OTULINL: variants seen among roughly 807,000 people sequenced by gnomAD.
OTULINL encodes the protein OTU deubiquitinase with linear linkage specificity like.
A neutral mutation model predicts 43.9 loss-of-function variants in OTULINL; 42 were observed. The observed-to-expected ratio is 0.96, with a 90% CI of 0.75 to 1.24. The LOEUF is 1.24. Among genes scored for constraint, OTULINL ranks in the 50% most tolerant of loss-of-function variants. The probability of loss-of-function intolerance (pLI) is 0.00; values close to 1 mark genes in which losing one functional copy is unlikely to be tolerated. For synonymous variants in OTULINL, 172 were observed against 153.6 expected (o/e 1.12, Z -0.88); for missense variants, 411 against 426.4 (o/e 0.96, Z 0.32).
intron 5 of OTULINL, among the ~76,000 whole-genome samples, chr5:14,602,972 A>G (rs1759415025): frequency 2.0e-5 from 3 of 152,140 alleles, no homozygotes; most frequent in South Asian, 2.1e-4. Flanking sequence ...TCTCTTGTAT[A>G]CTTTGGTAGT....
intron 6 of OTULINL, 146 bp from the exon 7 acceptor site, chr5:14,608,600 AAC>A: frequency 1.5e-6 from 1 of 668,190 alleles, no homozygotes; most frequent in Non-Finnish European, 2.4e-6. Context: ...AAAAAAATCA[AAC>A]AGTGCCGAAA....
intron 1 of OTULINL, among the ~76,000 whole-genome samples, chr5:14,585,228 C>T (rs181841044): frequency 2.6e-5 from 4 of 151,814 alleles, no homozygotes; most frequent in East Asian, 1.9e-4. Flanking sequence ...TTGTAACTGT[C>T]GAGAGAAATA....
intron 1 of OTULINL, among the ~76,000 whole-genome samples, chr5:14,597,246 A>G (rs1322007942): frequency 1.3e-5 from 2 of 152,192 alleles, no homozygotes; most frequent in African/African-American, 4.8e-5. Flanking sequence ...TCAGTCTCAC[A>G]GCAGCCCTGA....
At chr5:14,600,696 T>C (rs1408755404) in intron 1 of OTULINL, among the ~76,000 whole-genome samples, 1 of 152,206 alleles carries the variant, frequency 6.6e-6, no homozygotes, top group Non-Finnish European at 1.5e-5. Context: ...TCTGAGAGAT[T>C]CTGAAGCCCA....
rs1759660038 is a variant in OTULINL at position 14,615,559 on chromosome 5, GA to G, written c.*5246del. ...TGACTCCCTTAAATAAAAAGGGCCA[GA>G]GATGAGGGGACGCCTGGTGAAAATG... On this transcript the variant is annotated 3_prime_UTR_variant, in exon 8 of 8. Coordinates refer to ENST00000274217, the MANE Select transcript of OTULINL (RefSeq NM_019018.3). Among the ~76,000 whole-genome samples the G allele has an allele frequency of 6.6e-6, 1 of 152,200 alleles. No homozygotes were observed. Among genetic ancestry groups the G allele is most frequent in the Non-Finnish European group, 1.5e-5 (1 of 68,034 alleles).
intron 1 of OTULINL, among the ~76,000 whole-genome samples, chr5:14,583,864 C>A (rs2126767216): frequency 6.6e-6 from 1 of 152,200 alleles, no homozygotes; most frequent in East Asian, 1.9e-4. Context: ...ACAGTAAAAC[C>A]AGACAACAGA....
chr5:14,588,344 TCAGCTGTCTAGGACCGGA>T (rs1436003909), intron 1 of OTULINL, among the ~76,000 whole-genome samples: 1 of 152,098 alleles, frequency 6.6e-6, no homozygotes, highest in Non-Finnish European at 1.5e-5. Flanking sequence ...TCCAGATGGC[TCAGCTGTCTAGGACCGGA>T]CCCTGAGTTC....
chr5:14,608,433 TATAAG>T (rs1759517244), intron 6 of OTULINL, among the ~76,000 whole-genome samples: 1 of 152,140 alleles, frequency 6.6e-6, no homozygotes, highest in Non-Finnish European at 1.5e-5. Context: ...GGCCTCTTCT[TATAAG>T]AGTAGCAGGT....
At chr5:14,582,138 G>A (rs1376482254) in intron 1 of OTULINL, among the ~76,000 whole-genome samples, 180 bp downstream of exon 1, 3 of 152,070 alleles carry the variant, frequency 2.0e-5, no homozygotes, top group Admixed American at 6.5e-5. Flanking sequence ...GGAGTGGGGC[G>A]GGGCTGCACC....
chr5:14,606,219 T>C (rs1367748166), intron 5 of OTULINL, among the ~76,000 whole-genome samples: 2 of 152,290 alleles, frequency 1.3e-5, no homozygotes, highest in East Asian at 3.9e-4. Context: ...AGAGAGCCTG[T>C]GCATGGGAAC....
chr5:14,607,755 G>T (rs1243354969), intron 6 of OTULINL, among the ~76,000 whole-genome samples: 1 of 152,150 alleles, frequency 6.6e-6, no homozygotes, highest in Non-Finnish European at 1.5e-5. Context: ...TGTGGTGCAA[G>T]TCCAGGCAAG....
chr5:14,596,400 A>G (rs543948273), intron 1 of OTULINL, among the ~76,000 whole-genome samples: 1 of 151,938 alleles, frequency 6.6e-6, no homozygotes, highest in African/African-American at 2.4e-5. Flanking sequence ...ATTTTATCTC[A>G]GTTGTATTTG....
At position 14,614,250 on chromosome 5, in the gene OTULINL, A is replaced by G. The variant is rs1484862940; in HGVS notation, c.*3936A>G. Among the ~76,000 whole-genome samples, 1 of 152,216 alleles carries G rather than the reference A, an allele frequency of 6.6e-6. No individual in the cohort carries two copies. Among genetic ancestry groups the G allele is most frequent in the African/African-American group, 2.4e-5 (1 of 41,458 alleles). ...CATGCATCTGAAACTTTAACTGTCT[A>G]TAGGGTTGCTTGTCATAGTTGAACA... is the stretch of plus-strand genomic sequence containing the variant. On this transcript the variant is annotated 3_prime_UTR_variant, in exon 8 of 8. Coordinates refer to ENST00000274217, the MANE Select transcript of OTULINL (RefSeq NM_019018.3).
At position 14,612,603 on chromosome 5, in the gene OTULINL, G is replaced by C. The variant is rs1014647260; in HGVS notation, c.*2289G>C. 4 of 152,170 alleles carry C rather than the reference G, an allele frequency of 2.6e-5. No individual in the cohort carries two copies. The highest frequency in any genetic ancestry group is 7.2e-5 in the African/African-American group (3 of 41,446). The allele number at this position is 152,170 out of a possible 1,614,324, so 9.4% of individuals were successfully genotyped here. On this transcript the variant is annotated 3_prime_UTR_variant, in exon 8 of 8. Transcript: ENST00000274217. Reference sequence around the variant, plus strand: ...GTGTTGTTTTGTTTGTTTTTATTCAGTTGTATAATGAATATAACAAATTAA... The same window carrying C: ...GTGTTGTTTTGTTTGTTTTTATTCACTTGTATAATGAATATAACAAATTAA...
chr5:14,594,479 C>T (rs1281989206), intron 1 of OTULINL, among the ~76,000 whole-genome samples: 1 of 152,220 alleles, frequency 6.6e-6, no homozygotes, highest in African/African-American at 2.4e-5. Context: ...AGGTGACCTA[C>T]TGGGGAATGG....
intron 1 of OTULINL, among the ~76,000 whole-genome samples, chr5:14,596,569 T>C (rs1286221031): frequency 6.6e-6 from 1 of 152,054 alleles, no homozygotes; most frequent in Non-Finnish European, 1.5e-5. Flanking sequence ...TTTTAAAGAG[T>C]CTTAATTTAC....
intron 1 of OTULINL, among the ~76,000 whole-genome samples, chr5:14,585,129 AAGG>A (rs1759084501): frequency 6.6e-6 from 1 of 152,050 alleles, no homozygotes; most frequent in Admixed American, 6.5e-5. Context: ...CTAGGAGGAG[AAGG>A]AGGAGTAGAG....
rs999223456 is a variant in OTULINL at position 14,581,811 on chromosome 5, G to A, written c.-84G>A. The A allele has an allele frequency of 4.4e-6, 5 of 1,132,024 alleles. No homozygotes were observed. Among genetic ancestry groups the A allele is most frequent in the East Asian group, 3.5e-5 (1 of 28,612 alleles). 70.1% of individuals were successfully genotyped at this position (1,132,024 alleles called of 1,614,324 possible). The stretch of plus-strand genomic sequence containing the variant: ...CAGCCCGCCTCAGGGAAGCGAGCCC[G>A]GGCGCCGGCGGGCGGCCGTCGCGTC... On this transcript the variant is annotated 5_prime_UTR_variant, in exon 1 of 8. Coordinates refer to ENST00000274217, the MANE Select transcript of OTULINL (RefSeq NM_019018.3).
intron 5 of OTULINL, 59 bp from the exon 6 acceptor site, chr5:14,607,271 A>C: frequency 6.3e-7 from 1 of 1,581,670 alleles, no homozygotes; most frequent in Non-Finnish European, 8.6e-7. Flanking sequence ...CTATACAGCA[A>C]ATTGTGTGTA....
Sources: gnomAD v4.1 joint callset for allele counts (sites outside exome capture counted in the v4.1 genomes callset) on GRCh38, gnomAD v4.1.1 for gene constraint, MANE v1.5 for transcripts, NCBI Gene and HGNC (gene_info 2026-07-23, HGNC 2026-07-21) for gene names.